Variants in THAP4 observed in about 807,000 individuals in gnomAD.
The protein encoded by THAP4 is THAP domain containing 4.
In THAP4, 18 loss-of-function variants were observed where a neutral mutation model predicts 48.1. The ratio of observed to expected loss-of-function variants is 0.37; its 90% CI spans 0.26 to 0.56. THAP4 has a LOEUF of 0.56. THAP4 is among the 20% of genes least tolerant of loss of function. The pLI, the probability that THAP4 is intolerant of heterozygous loss-of-function variation, is 0.78. For synonymous variants in THAP4, 345 were observed against 324.9 expected, an observed-to-expected ratio of 1.06 and a Z score of -0.66; for missense variants, 656 against 774.9, an observed-to-expected ratio of 0.85 and a Z score of 1.82.
At chr2:241,608,040 G>T (rs1217199220) in intron 2 of THAP4, among the ~76,000 whole-genome samples, 1 of 151,952 alleles carries the variant, frequency 6.6e-6, no homozygotes, top group Non-Finnish European at 1.5e-5. Flanking sequence ...CGGACTGACG[G>T]GGACAGGAGT....
chr2:241,627,413 A>G (rs1316016522), intron 2 of THAP4, among the ~76,000 whole-genome samples: 1 of 152,258 alleles, frequency 6.6e-6, no homozygotes, highest in Non-Finnish European at 1.5e-5. Context: ...GTGGGCAAGC[A>G]AGACCGCGAA....
At chr2:241,600,766 TTTATCATTTTGGAG>T (rs2067103050) in intron 5 of THAP4, among the ~76,000 whole-genome samples, 1 of 150,866 alleles carries the variant, frequency 6.6e-6, no homozygotes, top group South Asian at 2.1e-4. Context: ...AGAGAATATT[TTTATCATTTTGGAG>T]TGGACAACAA....
Position 241,637,023 on chromosome 2 carries a change from G to A in THAP4, c.-6C>T. 1.6e-6 allele frequency: 2 copies of A among 1,264,574 alleles called. No individual in the cohort carries two copies. Among genetic ancestry groups the A allele is most frequent in the East Asian group, 5.4e-5 (1 of 18,500 alleles). The allele number at this position is 1,264,574 out of a possible 1,614,324, so 78.3% of individuals were successfully genotyped here. A position where few individuals can be genotyped will look rare whatever the true frequency, so the allele number is the denominator to read the frequency against. On this transcript the variant is annotated 5_prime_UTR_variant, in exon 1 of 6. Transcript: ENST00000407315. ...GCCGCACAGCAGATCACCATCGCGG[G>A]CCTTGGCCCAGCCGCGCAGCCAGGC...
intron 2 of THAP4, 22 bp downstream of exon 2, chr2:241,632,895 T>A (rs758052295): frequency 6.5e-7 from 1 of 1,544,046 alleles, no homozygotes; most frequent in Non-Finnish European, 8.7e-7. Context: ...GGAACATGGG[T>A]ACGCGAGGCT....
At chr2:241,594,514 CAGG>C (rs1388435955) in intron 5 of THAP4, 1 of 259,764 alleles carries the variant, frequency 3.8e-6, no homozygotes, top group African/African-American at 2.3e-5. Flanking sequence ...TGCTTGAGTT[CAGG>C]AGTTCAAGAC....
At position 241,633,694 on chromosome 2, in the gene THAP4, G is replaced by T. The variant is rs779909092; in HGVS notation, c.463C>A (p.Pro155Thr). ...CTGGCGGCCTCCTGGGCCGCCCTGG[G>T]TGTGGCTTCACCTTGCAGAGCAGCT... is the stretch of plus-strand genomic sequence containing the variant. ...KQAALQGEAT[P>T]RAAQEAASQE... The change falls in exon 2 of 6, where the codon CCC (proline) becomes ACC (threonine). Residue 155 changes from proline to threonine, a missense_variant. By Grantham distance (38) the Pro-to-Thr change is conservative. Coordinates refer to ENST00000407315, the MANE Select transcript of THAP4 (RefSeq NM_015963.6). This position sits in a 1 kb window ranked among gnomAD's most constrained non-coding sequence, Gnocchi z 7.5. 6.2e-7 allele frequency: 1 copy of T among 1,611,738 alleles called. No homozygotes were observed. The highest frequency in any genetic ancestry group is 1.7e-5 in the Admixed American group (1 of 59,946).
upstream of THAP4, chr2:241,637,215 C>T: frequency 2.0e-6 from 2 of 992,038 alleles, no homozygotes; most frequent in Non-Finnish European, 1.2e-6. Context: ...CCCGCGTCCT[C>T]GCCAGCCGCG....
At position 241,584,665 on chromosome 2, in the gene THAP4, T is replaced by C; in HGVS notation, c.1675A>G (p.Thr559Ala). Residue 559 changes from threonine (T) to alanine (A), a missense_variant, in exon 6 of 6, where the codon ACC (threonine) becomes GCC (alanine). Transcript: ENST00000407315. ...GKLEQTVSMA[T>A]TTQPMTQHLH... is the part of the protein sequence containing the mutation. The stretch of plus-strand genomic sequence containing the variant: ...TGCTGAGTCATTGGCTGTGTCGTGG[T>C]TGCCATGGAGACCGTCTGCTCAAGT... The C allele has an allele frequency of 1.2e-6, 2 of 1,614,216 alleles. No individual in the cohort carries two copies. The highest frequency in any genetic ancestry group is 8.5e-7 in the Non-Finnish European group (1 of 1,180,018).
chr2:241,595,429 G>C (rs991287911), intron 5 of THAP4, among the ~76,000 whole-genome samples: 1 of 152,104 alleles, frequency 6.6e-6, no homozygotes, highest in African/African-American at 2.4e-5. Context: ...CCTAAGGTCA[G>C]GAGTTCAAGA....
At chr2:241,599,942 G>T (rs1011796408) in intron 5 of THAP4, among the ~76,000 whole-genome samples, 1 of 152,230 alleles carries the variant, frequency 6.6e-6, no homozygotes, top group Non-Finnish European at 1.5e-5. Flanking sequence ...GGGCACAGTG[G>T]CTCATGCCTG....
intron 5 of THAP4, among the ~76,000 whole-genome samples, chr2:241,595,252 C>T (rs1228956135): frequency 1.3e-5 from 2 of 152,096 alleles, no homozygotes; most frequent in Non-Finnish European, 2.9e-5. Flanking sequence ...TGACCTCAGG[C>T]GATATGCCCA....
chr2:241,588,971 T>C (rs1421736163), intron 5 of THAP4, among the ~76,000 whole-genome samples: 1 of 152,072 alleles, frequency 6.6e-6, no homozygotes, highest in Non-Finnish European at 1.5e-5. Flanking sequence ...TCTCAGCGCT[T>C]TGGGAGACCA....
intron 4 of THAP4, 91 bp downstream of exon 4, chr2:241,602,879 G>T: frequency 1.0e-6 from 1 of 985,490 alleles, no homozygotes; most frequent in Non-Finnish European, 1.6e-6. Flanking sequence ...TGCCTCAGCA[G>T]GGTTGCACAT....
chr2:241,631,979 C>T (rs2067569166), intron 2 of THAP4, among the ~76,000 whole-genome samples: 1 of 151,590 alleles, frequency 6.6e-6, no homozygotes, highest in African/African-American at 2.4e-5. Flanking sequence ...GCCATCTCAG[C>T]TCACTGCAAC....
At chr2:241,585,935 A>AAAAAAAAAAAAAAAAAAAG (rs1553553075) in intron 5 of THAP4, among the ~76,000 whole-genome samples, 1 of 146,898 alleles carries the variant, frequency 6.8e-6, no homozygotes, top group Non-Finnish European at 1.5e-5. Flanking sequence ...AAAAAGAAAA[A>AAAAAAAAAAAAAAAAAAAG]AAAAAGAAAA....
intron 5 of THAP4, among the ~76,000 whole-genome samples, chr2:241,599,099 A>G (rs2067083002): frequency 6.6e-6 from 1 of 152,082 alleles, no homozygotes; most frequent in South Asian, 2.1e-4. Flanking sequence ...TAAAAATACA[A>G]AAATTAGCTG....
intron 5 of THAP4, among the ~76,000 whole-genome samples, chr2:241,589,498 C>T (rs1163967270): frequency 6.6e-6 from 1 of 152,152 alleles, no homozygotes; most frequent in Admixed American, 6.5e-5. Flanking sequence ...TGAGCAGCAT[C>T]GTTACTCAGC....
intron 2 of THAP4, among the ~76,000 whole-genome samples, chr2:241,630,607 C>T (rs1246309650): frequency 6.6e-6 from 1 of 152,086 alleles, no homozygotes; most frequent in Non-Finnish European, 1.5e-5. Flanking sequence ...GGAGAAACCA[C>T]TGTCTCTACT....
Position 241,623,216 on chromosome 2 carries a change from A to AAAT in THAP4, c.1240+9698_1240+9700dup, listed in dbSNP as rs550843429. Among the ~76,000 whole-genome samples the AAAT allele has an allele frequency of 2.4e-4, 37 of 152,038 alleles. 1 individual carries two copies. In the South Asian group the frequency reaches 6.6e-3, roughly 27 times the overall value. On this transcript the variant is annotated intron_variant, in intron 2 of 5. Coordinates refer to ENST00000407315, the MANE Select transcript of THAP4 (RefSeq NM_015963.6). ...TGGTGACACAGTGAGACTCTGTCAA[A>AAAT]AATAATAATAATAATAAAAATAAAA...
Sources: gnomAD v4.1 joint callset for allele counts (sites outside exome capture counted in the v4.1 genomes callset) on GRCh38, gnomAD v4.1.1 for gene constraint, Gnocchi (gnomAD v3.1) non-coding constraint, MANE v1.5 for transcripts, NCBI Gene and HGNC (gene_info 2026-07-23, HGNC 2026-07-21) for gene names.